The following VASP variants were observed in gnomAD, a reference collection of about 807,000 sequenced individuals.
VASP encodes the protein vasodilator stimulated phosphoprotein, also known as vasodilator-stimulated phosphoprotein.
Under a neutral mutation model 54.4 loss-of-function variants are expected in VASP, and 27 were observed. The observed-to-expected ratio is 0.50, with a 90% CI of 0.37 to 0.68. The LOEUF is 0.68. Among genes scored for constraint, VASP ranks in the 30% least tolerant of loss-of-function variants. The pLI, the probability that VASP is intolerant of heterozygous loss-of-function variation, is 0.00. For missense variants in VASP, 488 were observed against 528.3 expected (o/e 0.92, Z 0.75); for synonymous variants, 233 against 209.8 (o/e 1.11, Z -0.96).
At position 45,514,716 on chromosome 19, in the gene VASP, C is replaced by T. The variant is rs571413506; in HGVS notation, c.6-2947C>T. ...GCAGCCCCGGGCTCCTGGCCAGAGT[C>T]GGCCCTGGGTGTGGGTGGCAGGTGT... On this transcript the variant is annotated intron_variant, in intron 1 of 12. Transcript: ENST00000245932. Among the ~76,000 whole-genome samples, 78 of 152,258 alleles carry T rather than the reference C, an allele frequency of 5.1e-4. 2 individuals carry two copies. In the South Asian group the frequency reaches 0.016, roughly 30 times the overall value.
At chr19:45,509,818 A>G (rs1040977471) in intron 1 of VASP, among the ~76,000 whole-genome samples, 2 of 152,186 alleles carry the variant, frequency 1.3e-5, no homozygotes, top group African/African-American at 4.8e-5. Flanking sequence ...AGAAAAAGAC[A>G]TGGCCAAGAT....
At chr19:45,511,141 C>A (rs2122284634) in intron 1 of VASP, among the ~76,000 whole-genome samples, 1 of 152,140 alleles carries the variant, frequency 6.6e-6, no homozygotes, top group African/African-American at 2.4e-5. Context: ...CCATCCCCGA[C>A]AAAAGAAGAT....
chr19:45,524,196 A>C, intron 10 of VASP, 54 bp downstream of exon 10: 6 of 1,606,396 alleles, frequency 3.7e-6, no homozygotes, highest in Non-Finnish European at 5.1e-6. Flanking sequence ...AGATCGCTTG[A>C]GCCCAGGAGG....
chr19:45,523,966 G>A (rs1368731115), intron 9 of VASP, 89 bp downstream of exon 9: 4 of 1,609,884 alleles, frequency 2.5e-6, no homozygotes, highest in Non-Finnish European at 2.5e-6. Context: ...GGAGAGTCAG[G>A]GCGAATGGTG....
chr19:45,515,023 C>T (rs1399420437), intron 1 of VASP, among the ~76,000 whole-genome samples: 1 of 152,170 alleles, frequency 6.6e-6, no homozygotes, highest in Admixed American at 6.5e-5. Flanking sequence ...AAATGAGTGA[C>T]TTTGGGGGAG....
intron 1 of VASP, among the ~76,000 whole-genome samples, chr19:45,510,072 G>T (rs922500439): frequency 2.2e-4 from 33 of 152,158 alleles, no homozygotes; most frequent in Admixed American, 1.9e-3. Context: ...GAATCTCAGG[G>T]CAGAAGGGAC....
At chr19:45,522,651 G>T in intron 6 of VASP, 67 bp from the exon 7 acceptor site, 1 of 1,568,062 alleles carries the variant, frequency 6.4e-7, no homozygotes, top group Non-Finnish European at 8.6e-7. Flanking sequence ...GGCTGCCGGC[G>T]GTGTCATTGG....
At chr19:45,524,437 A>AG in intron 10 of VASP, 133 bp from the exon 11 acceptor site, 1 of 887,450 alleles carries the variant, frequency 1.1e-6, no homozygotes, top group Non-Finnish European at 1.8e-6. Flanking sequence ...AAAAAAAAAA[A>AG]CTGGGGCCCC....
At chr19:45,520,798 T>C (rs776646294) in intron 3 of VASP, among the ~76,000 whole-genome samples, 8 of 152,144 alleles carry the variant, frequency 5.3e-5, no homozygotes, top group Non-Finnish European at 1.2e-4. Context: ...ATCCCATCTC[T>C]ATTAAAAATA....
At chr19:45,523,716 G>A in intron 8 of VASP, 21 bp downstream of exon 8, 1 of 1,614,114 alleles carries the variant, frequency 6.2e-7, no homozygotes, top group Non-Finnish European at 8.5e-7. Context: ...GACTCTTCTT[G>A]CCCTACATCT....
chr19:45,522,487 C>A lies in VASP; in HGVS notation c.626C>A (p.Pro209His), dbSNP rs1278377474. ...GGGGGAGGACCACCCCCTGCACCCC[C>A]TCTCCCGGCAGCACAGGGCCCTGGT... is the stretch of plus-strand genomic sequence containing the variant. ...GAGGGPPPAP[P>H]LPAAQGPGGG... The change falls in exon 6 of 13, where the codon CCT (proline) becomes CAT (histidine). Residue 209 changes from proline to histidine, a missense_variant. By Grantham distance (77) the Pro-to-His change is moderately conservative (BLOSUM62 -2). Around this residue, in one of 4 missense-constraint regions of VASP, gnomAD observed 226 missense variants for 196.0 expected, o/e 1.15. Coordinates refer to ENST00000245932, the MANE Select transcript of VASP (RefSeq NM_003370.4). 1.3e-5 allele frequency: 19 copies of A among 1,468,716 alleles called. No individual in the cohort carries two copies. The highest frequency in any genetic ancestry group is 1.7e-5 in the Non-Finnish European group (19 of 1,113,118). 91.0% of individuals were successfully genotyped at this position (1,468,716 alleles called of 1,614,324 possible).
At chr19:45,516,663 T>TC (rs1225352207) in intron 1 of VASP, among the ~76,000 whole-genome samples, 1 of 152,156 alleles carries the variant, frequency 6.6e-6, no homozygotes, top group Non-Finnish European at 1.5e-5. Flanking sequence ...TTTTCCTTCT[T>TC]ATTAGTTTTG....
chr19:45,519,596 C>CTTTT (rs35957572), intron 3 of VASP, among the ~76,000 whole-genome samples: 2 of 123,278 alleles, frequency 1.6e-5, no homozygotes, highest in African/African-American at 6.1e-5. Context: ...AGCCCAGTTG[C>CTTTT]TTTTTTTTTT....
intron 3 of VASP, among the ~76,000 whole-genome samples, chr19:45,520,920 C>A (rs1195852352): frequency 6.6e-6 from 1 of 152,204 alleles, no homozygotes; most frequent in Non-Finnish European, 1.5e-5. Context: ...GCCGTGATTG[C>A]ACTGCTGCAC....
chr19:45,513,468 C>CGTTTTTTTT (rs1968640369), intron 1 of VASP, among the ~76,000 whole-genome samples: 3 of 92,788 alleles, frequency 3.2e-5, no homozygotes, highest in African/African-American at 1.4e-4. Context: ...AGTCTCTCTC[C>CGTTTTTTTT]TTTTTTTTTT....
In VASP at chr19:45,522,429, C is replaced by G; in HGVS notation, c.568C>G (p.Pro190Ala). 6.6e-7 allele frequency: 1 copy of G among 1,523,186 alleles called. No homozygotes were observed. The highest frequency in any genetic ancestry group is 8.8e-7 in the Non-Finnish European group (1 of 1,135,040). 94.4% of individuals were successfully genotyped at this position (1,523,186 alleles called of 1,614,324 possible). A position where few individuals can be genotyped will look rare whatever the true frequency, so the allele number is the denominator to read the frequency against. The change falls in exon 6 of 13, where the codon CCT becomes GCT. Residue 190 changes from proline to alanine, a missense_variant. By Grantham distance (27) the Pro-to-Ala change is conservative (BLOSUM62 -1). This residue lies in a region of VASP where 226 missense variants were observed against 196.0 expected (regional missense o/e 1.15). Coordinates refer to ENST00000245932, the MANE Select transcript of VASP (RefSeq NM_003370.4). ...PGPPPPPGLPPSGVPAAAHGA... is the reference protein window; with the variant it reads ...PGPPPPPGLPASGVPAAAHGA... ...TCCCCCCCCACCCCCAGGTTTGCCC[C>G]CTTCGGGGGTCCCAGCTGCAGCGCA...
At chr19:45,524,732 A>G (rs556172216) in intron 11 of VASP, 72 bp downstream of exon 11, 15 of 1,411,930 alleles carry the variant, frequency 1.1e-5, no homozygotes, top group Middle Eastern at 1.8e-4. Flanking sequence ...GGCATGCCGT[A>G]TGATCCTAGA....
rs766189228 is a variant in VASP, at chr19:45,526,427, C to A, written c.*250C>A. On this transcript the variant is annotated 3_prime_UTR_variant, in exon 13 of 13. Transcript: ENST00000245932. The stretch of plus-strand genomic sequence containing the variant: ...CTTCCCCTCTGCCATCCCCTTGGGG[C>A]CGGTCCCTCTGCTGGGGATGCACCA... The A allele has an allele frequency of 8.2e-5, 38 of 462,248 alleles. 3 individuals carry two copies. The Middle Eastern group carries it at 1.6e-3, about 20-fold the overall frequency. 28.6% of individuals were successfully genotyped at this position (462,248 alleles called of 1,614,324 possible).
At chr19:45,514,700 G>A (rs1211246651) in intron 1 of VASP, among the ~76,000 whole-genome samples, 2 of 152,162 alleles carry the variant, frequency 1.3e-5, no homozygotes, top group Admixed American at 6.5e-5. Context: ...AGCAGCCCCG[G>A]GCTCCTGGCC....
Sources: gnomAD v4.1 joint callset for allele counts (sites outside exome capture counted in the v4.1 genomes callset) on GRCh38, gnomAD v4.1.1 for gene constraint, gnomAD v4.1.1 regional missense constraint, MANE v1.5 for transcripts, NCBI Gene and HGNC (gene_info 2026-07-23, HGNC 2026-07-21) for gene names.